The following SYCE1L variants were observed in gnomAD, a reference collection of about 807,000 sequenced individuals.
The protein encoded by SYCE1L is synaptonemal complex central element protein 1-like.
SYCE1L carries 51 observed loss-of-function variants against 39.6 expected under a neutral mutation model. That is an observed-to-expected ratio of 1.29 (90% CI 1.03 to 1.63). The LOEUF (loss-of-function observed/expected upper bound fraction) is 1.63. Among genes scored for constraint, SYCE1L ranks in the 40% most tolerant of loss-of-function variants. The probability of loss-of-function intolerance (pLI) is 0.00; values close to 1 mark genes in which losing one functional copy is unlikely to be tolerated. For synonymous variants in SYCE1L, 147 were observed against 122.4 expected (o/e 1.20, Z -1.33); for missense variants, 426 against 304.9 (o/e 1.40, Z -2.96).
rs979785477 is a variant in SYCE1L at position 77,206,474 on chromosome 16, T to C, written c.95T>C (p.Leu32Pro). 2 of 1,551,774 alleles carry C rather than the reference T, an allele frequency of 1.3e-6. No homozygotes were observed. The highest frequency in any genetic ancestry group is 1.7e-4 in the Middle Eastern group (1 of 5,992). The change falls in exon 2 of 11, where the codon CTG becomes CCG. Residue 32 changes from leucine (L) to proline (P), a missense_variant. Physicochemically the swap from Leu to Pro is moderately conservative, Grantham distance 98. Coordinates refer to ENST00000378644, the MANE Select transcript of SYCE1L (RefSeq NM_001129979.3). ...AAGTCTTTGAAGACTGAAGACTTGCTGGCAATGGTGATAAAGCTGCAGAAA... is the reference window on the plus strand; with the variant it reads ...AAGTCTTTGAAGACTGAAGACTTGCCGGCAATGGTGATAAAGCTGCAGAAA... ...QAKSLKTEDLLAMVIKLQKEG... is the reference protein window; with the variant it reads ...QAKSLKTEDLPAMVIKLQKEG...
chr16:77,199,434 C>T lies in SYCE1L; in HGVS notation c.-18C>T. The stretch of plus-strand genomic sequence containing the variant: ...CCAGTCATCAAGCGAGGCTCGCGCG[C>T]AGGCCCCGCGTTGGAAAATGGCGGG... On this transcript the variant is annotated 5_prime_UTR_variant, in exon 1 of 11. Transcript: ENST00000378644. 6.4e-7 allele frequency: 1 copy of T among 1,551,362 alleles called. No individual in the cohort carries two copies. The highest frequency in any genetic ancestry group is 8.7e-7 in the Non-Finnish European group (1 of 1,146,872).
At chr16:77,212,464 C>G in intron 9 of SYCE1L, 95 bp downstream of exon 9, 1 of 1,539,512 alleles carries the variant, frequency 6.5e-7, no homozygotes, top group Non-Finnish European at 8.8e-7. Context: ...TGCCGCTTCC[C>G]CGGCCTGTGC....
chr16:77,203,127 CTTTG>C (rs1052828249), intron 1 of SYCE1L, among the ~76,000 whole-genome samples: 13 of 152,042 alleles, frequency 8.6e-5, no homozygotes, highest in Non-Finnish European at 1.5e-4. Flanking sequence ...TCACGTATTT[CTTTG>C]TTTGAATTTT....
intron 6 of SYCE1L, 53 bp from the exon 7 acceptor site, chr16:77,211,160 A>T (rs1192985470): frequency 6.5e-7 from 1 of 1,544,944 alleles, no homozygotes; most frequent in South Asian, 1.2e-5. Flanking sequence ...GGAGCCCCCA[A>T]CAGGGTGTCA....
Position 77,212,282 on chromosome 16 carries a change from G to T in SYCE1L, c.494G>T (p.Arg165Met), listed in dbSNP as rs1175146810. 4 of 1,520,698 alleles carry T rather than the reference G, an allele frequency of 2.6e-6. No individual in the cohort carries two copies. The Admixed American group carries it at 9.0e-5, about 34-fold the overall frequency. 94.2% of individuals were successfully genotyped at this position (1,520,698 alleles called of 1,614,324 possible). A position where few individuals can be genotyped will look rare whatever the true frequency, so the allele number is the denominator to read the frequency against. The stretch of plus-strand genomic sequence containing the variant: ...GCCCCTGACGCCCGCCCACCGACAG[G>T]GAGGCTGGTGCGCGCCAAGCTGCGG... ...ERSKEQLLSE[R>M]RLVRAKLREV... Residue 165 changes from arginine (R) to methionine (M), a missense_variant and splice_region_variant, in exon 9 of 11, where the codon AGG (arginine) becomes ATG (methionine). Transcript: ENST00000378644.
At chr16:77,200,601 C>G (rs1432448911) in intron 1 of SYCE1L, 1 of 151,778 alleles carries the variant, frequency 6.6e-6, no homozygotes, top group African/African-American at 2.4e-5. Context: ...ACTAAAAATA[C>G]AAAAATTGTC....
At chr16:77,208,628 C>A in intron 4 of SYCE1L, 89 bp downstream of exon 4, 2 of 1,257,644 alleles carry the variant, frequency 1.6e-6, no homozygotes, top group African/African-American at 1.5e-5. Context: ...CCCTGGCCTA[C>A]AATGCTCTTA....
rs745410218 is a variant in SYCE1L at position 77,212,569 on chromosome 16, C to T, written c.582-5C>T. 5.9e-6 allele frequency: 9 copies of T among 1,536,528 alleles called. No homozygotes were observed. In the South Asian group the frequency reaches 8.3e-5, roughly 14 times the overall value. On this transcript the variant is annotated splice_region_variant and splice_polypyrimidine_tract_variant and intron_variant, in intron 9 of 10. Transcript: ENST00000378644. Reference sequence around the variant, plus strand: ...CCTCCTGTCTCCTCGGCCCCTTCTCCGCAGGCTGAAGGCGGAGCTGGAGAT... The same window carrying T: ...CCTCCTGTCTCCTCGGCCCCTTCTCTGCAGGCTGAAGGCGGAGCTGGAGAT...
intron 1 of SYCE1L, among the ~76,000 whole-genome samples, chr16:77,204,656 C>A (rs67442855): frequency 0.017 from 2,614 of 152,238 alleles, 46 homozygotes; most frequent in East Asian, 0.12. Flanking sequence ...GCCATGCAGC[C>A]ACTAAAAAGA....
At chr16:77,202,464 G>A (rs915281945) in intron 1 of SYCE1L, 2 of 152,076 alleles carry the variant, frequency 1.3e-5, no homozygotes, top group African/African-American at 4.8e-5. Flanking sequence ...AATGTTAGTT[G>A]GATTATTTAA....
chr16:77,205,433 A>AATATATATATATATATGTATGTATAT (rs2054779467), intron 1 of SYCE1L, among the ~76,000 whole-genome samples: 1 of 145,262 alleles, frequency 6.9e-6, no homozygotes, highest in Non-Finnish European at 1.5e-5. Context: ...CATAGAAGTA[A>AATATATATATATATATGTATGTATAT]ATATATATAT....
At chr16:77,210,196 T>C (rs1251552115) in intron 6 of SYCE1L, among the ~76,000 whole-genome samples, 2 of 152,202 alleles carry the variant, frequency 1.3e-5, no homozygotes, top group East Asian at 3.9e-4. Context: ...TGTGCCACCA[T>C]GCCCGGCTAA....
chr16:77,209,912 G>A (rs908700516), intron 6 of SYCE1L, among the ~76,000 whole-genome samples: 5 of 151,974 alleles, frequency 3.3e-5, no homozygotes, highest in Non-Finnish European at 5.9e-5. Context: ...TTTTATCTCC[G>A]GCCTTCCACC....
intron 1 of SYCE1L, among the ~76,000 whole-genome samples, chr16:77,204,887 T>A (rs2142514060): frequency 6.6e-6 from 1 of 151,490 alleles, no homozygotes; most frequent in African/African-American, 2.4e-5. Flanking sequence ...TCTACTAAAA[T>A]ACAAAAAATT....
chr16:77,208,676 C>A (rs911237252), intron 4 of SYCE1L, 137 bp downstream of exon 4: 15 of 868,212 alleles, frequency 1.7e-5, no homozygotes, highest in Non-Finnish European at 2.3e-5. Context: ...TGTCTCATGT[C>A]ATCTTTCAGC....
rs1236559292 is a variant in SYCE1L at position 77,212,269 on chromosome 16, C to T, written c.494-13C>T. ...GGGCCTCGGCCCTGCCCCTGACGCC[C>T]GCCCACCGACAGGGAGGCTGGTGCG... On this transcript the variant is annotated splice_polypyrimidine_tract_variant and intron_variant, in intron 8 of 10. Coordinates refer to ENST00000378644, the MANE Select transcript of SYCE1L (RefSeq NM_001129979.3). The T allele has an allele frequency of 1.3e-6, 2 of 1,517,178 alleles. No homozygotes were observed. The highest frequency in any genetic ancestry group is 1.8e-6 in the Non-Finnish European group (2 of 1,133,304). The allele number at this position is 1,517,178 out of a possible 1,614,324, so 94.0% of individuals were successfully genotyped here. A position where few individuals can be genotyped will look rare whatever the true frequency, so the allele number is the denominator to read the frequency against.
chr16:77,212,686 C>T, intron 10 of SYCE1L, 40 bp downstream of exon 10: 1 of 1,513,428 alleles, frequency 6.6e-7, no homozygotes, highest in African/African-American at 1.4e-5. Context: ...GGGCAGGGAC[C>T]GAGTCAGGAG....
intron 3 of SYCE1L, 40 bp from the exon 4 acceptor site, chr16:77,208,425 G>C: frequency 5.2e-6 from 8 of 1,550,390 alleles, no homozygotes; most frequent in Non-Finnish European, 7.0e-6. Context: ...CAAGGCTAGA[G>C]ACTACACTCA....
intron 7 of SYCE1L, among the ~76,000 whole-genome samples, chr16:77,211,881 T>C (rs1032047425): frequency 6.6e-6 from 1 of 151,840 alleles, no homozygotes; most frequent in Non-Finnish European, 1.5e-5. Flanking sequence ...GAGCCGCAGA[T>C]TGGGGAATGG....
Sources: gnomAD v4.1 joint callset for allele counts (sites outside exome capture counted in the v4.1 genomes callset) on GRCh38, gnomAD v4.1.1 for gene constraint, MANE v1.5 for transcripts, NCBI Gene and HGNC (gene_info 2026-07-23, HGNC 2026-07-21) for gene names.